The following TAFA1 variants were observed in gnomAD, a reference collection of about 807,000 sequenced individuals.
TAFA1 encodes the protein chemokine-like protein TAFA-1.
A neutral mutation model predicts 18.5 loss-of-function variants in TAFA1; 4 were observed. That is an observed-to-expected ratio of 0.22 (90% CI 0.11 to 0.49). The LOEUF is 0.49. Ranked by LOEUF, TAFA1 falls within the 20% of genes least tolerant of loss-of-function variation. TAFA1 has a pLI of 0.98. For missense variants in TAFA1, 147 were observed against 169.0 expected, an observed-to-expected ratio of 0.87 and a Z score of 0.72; for synonymous variants, 56 against 55.2, an observed-to-expected ratio of 1.01 and a Z score of -0.06.
intron 2 of TAFA1, among the ~76,000 whole-genome samples, chr3:68,141,791 AC>A (rs2065670178): frequency 6.6e-6 from 1 of 152,222 alleles, no homozygotes; most frequent in South Asian, 2.1e-4. Context: ...ACAATTGGAT[AC>A]CACCTGGCTT....
intron 2 of TAFA1, among the ~76,000 whole-genome samples, chr3:68,120,163 CTTT>C (rs2065372151): frequency 7.2e-6 from 1 of 138,864 alleles, no homozygotes; most frequent in African/African-American, 3.3e-5. Flanking sequence ...CTTTCTTTCT[CTTT>C]CTTTCTCTTT....
intron 2 of TAFA1, among the ~76,000 whole-genome samples, chr3:68,072,690 T>C (rs771790111): frequency 4.6e-5 from 7 of 152,152 alleles, no homozygotes; most frequent in South Asian, 2.1e-4. Context: ...ACCACAGAGA[T>C]AAAGCAGAAT....
intron 2 of TAFA1, among the ~76,000 whole-genome samples, chr3:68,380,957 G>T (rs968066559): frequency 2.0e-3 from 293 of 150,016 alleles, no homozygotes; most frequent in Middle Eastern, 0.017. Context: ...TAAGGTGTAA[G>T]GAAGGGATCC....
chr3:68,473,447 T>G (rs1180054412), intron 3 of TAFA1, among the ~76,000 whole-genome samples: 2 of 152,170 alleles, frequency 1.3e-5, no homozygotes, highest in East Asian at 1.9e-4. Flanking sequence ...TACATGGGAT[T>G]CTTGTCTTAA....
chr3:68,470,454 T>C (rs1162469507), intron 3 of TAFA1, among the ~76,000 whole-genome samples: 1 of 151,922 alleles, frequency 6.6e-6, no homozygotes, highest in East Asian at 1.9e-4. Context: ...GACAGAAAAA[T>C]GTGGGGAAAG....
chr3:68,380,216 C>A (rs181765629), intron 2 of TAFA1, among the ~76,000 whole-genome samples: 1 of 152,054 alleles, frequency 6.6e-6, no homozygotes, highest in East Asian at 1.9e-4. Flanking sequence ...TGAATACTGC[C>A]GCAATAAACA....
At chr3:68,466,366 C>T (rs1256191223) in intron 3 of TAFA1, among the ~76,000 whole-genome samples, 2 of 152,106 alleles carry the variant, frequency 1.3e-5, no homozygotes, top group Non-Finnish European at 2.9e-5. Context: ...TGTTTTAAGC[C>T]TCTGAGGTCA....
intron 2 of TAFA1, among the ~76,000 whole-genome samples, chr3:68,189,319 G>C (rs2066310310): frequency 6.6e-6 from 1 of 151,816 alleles, no homozygotes; most frequent in Non-Finnish European, 1.5e-5. Flanking sequence ...TCTAGCCCTA[G>C]AAAGCAACTT....
intron 3 of TAFA1, among the ~76,000 whole-genome samples, chr3:68,535,729 T>C (rs970905779): frequency 6.6e-6 from 1 of 152,128 alleles, no homozygotes; most frequent in African/African-American, 2.4e-5. Flanking sequence ...GAAGAGTTTA[T>C]TTGAACCAAA....
chr3:68,008,631 G>A (rs554215013), intron 2 of TAFA1, among the ~76,000 whole-genome samples: 1 of 152,192 alleles, frequency 6.6e-6, no homozygotes, highest in South Asian at 2.1e-4. Flanking sequence ...TCCTCAGGAG[G>A]CGAAAATGCC....
chr3:68,054,565 C>G (rs559583767), intron 2 of TAFA1, among the ~76,000 whole-genome samples: 2 of 152,144 alleles, frequency 1.3e-5, no homozygotes, highest in South Asian at 2.1e-4. Context: ...GCCTGTGGAC[C>G]AAATCTGATG....
intron 2 of TAFA1, among the ~76,000 whole-genome samples, chr3:68,044,760 C>T (rs1705234315): frequency 6.6e-6 from 1 of 152,130 alleles, no homozygotes. Flanking sequence ...GGTGTTAGAC[C>T]TTGGGCAAGT....
intron 2 of TAFA1, among the ~76,000 whole-genome samples, chr3:68,333,436 A>G (rs920023133): frequency 2.6e-5 from 4 of 152,176 alleles, no homozygotes; most frequent in African/African-American, 7.2e-5. Context: ...AACACAGTAC[A>G]TATGAACACA....
At chr3:68,456,869 C>T (rs1414291966) in intron 3 of TAFA1, among the ~76,000 whole-genome samples, 1 of 152,144 alleles carries the variant, frequency 6.6e-6, no homozygotes, top group Non-Finnish European at 1.5e-5. Flanking sequence ...CTCAATCAAG[C>T]AATTCAACTT....
intron 3 of TAFA1, among the ~76,000 whole-genome samples, chr3:68,473,101 CA>C (rs2106952929): frequency 6.6e-6 from 1 of 152,296 alleles, no homozygotes; most frequent in East Asian, 1.9e-4. Context: ...GAGGAAACCA[CA>C]AATGGTGAGG....
chr3:68,074,265 G>A (rs889731570), intron 2 of TAFA1, among the ~76,000 whole-genome samples: 1 of 152,138 alleles, frequency 6.6e-6, no homozygotes, highest in African/African-American at 2.4e-5. Flanking sequence ...AAATACAGAT[G>A]AAAATTCACT....
intron 2 of TAFA1, among the ~76,000 whole-genome samples, chr3:68,276,838 T>A (rs2067806655): frequency 6.6e-6 from 1 of 152,132 alleles, no homozygotes; most frequent in South Asian, 2.1e-4. Flanking sequence ...ATGCAATATG[T>A]TAAAATCTGT....
intron 3 of TAFA1, among the ~76,000 whole-genome samples, chr3:68,502,671 T>G (rs1178854063): frequency 6.6e-6 from 1 of 152,064 alleles, no homozygotes; most frequent in Non-Finnish European, 1.5e-5. Flanking sequence ...CAGCCCCATG[T>G]ACTTTTGATC....
chr3:68,465,263 A>G (rs993477210), intron 3 of TAFA1, among the ~76,000 whole-genome samples: 1 of 152,166 alleles, frequency 6.6e-6, no homozygotes, highest in African/African-American at 2.4e-5. Flanking sequence ...GCTTTGCAGC[A>G]GATACCTTGT....
Sources: gnomAD v4.1 joint callset for allele counts (sites outside exome capture counted in the v4.1 genomes callset) on GRCh38, gnomAD v4.1.1 for gene constraint, MANE v1.5 for transcripts, NCBI Gene and HGNC (gene_info 2026-07-23, HGNC 2026-07-21) for gene names.